Variants in PPP4R4 observed in about 807,000 individuals in gnomAD.
PPP4R4 encodes serine/threonine-protein phosphatase 4 regulatory subunit 4.
In PPP4R4, 70 loss-of-function variants were observed where a neutral mutation model predicts 121.8. The observed-to-expected ratio is 0.57, with a 90% CI of 0.47 to 0.70. PPP4R4 has a LOEUF of 0.70. Among genes scored for constraint, PPP4R4 ranks in the 30% least tolerant of loss-of-function variants. The pLI is 0.00. For synonymous variants in PPP4R4, 348 were observed against 355.7 expected (o/e 0.98, Z 0.24); for missense variants, 875 against 1,033.6 (o/e 0.85, Z 2.10).
At chr14:94,242,066 T>C (rs1202248327) in intron 10 of PPP4R4, 109 bp downstream of exon 10, 2 of 1,192,382 alleles carry the variant, frequency 1.7e-6, no homozygotes, top group African/African-American at 1.6e-5. Context: ...GCTTGCATTA[T>C]GTCTAGCATA....
intron 3 of PPP4R4, among the ~76,000 whole-genome samples, chr14:94,213,084 C>G (rs1375469846): frequency 6.6e-6 from 1 of 152,138 alleles, no homozygotes; most frequent in Non-Finnish European, 1.5e-5. Context: ...ACATTTTAAT[C>G]TGAATACTCA....
intron 1 of PPP4R4, among the ~76,000 whole-genome samples, chr14:94,175,177 C>T (rs1888610514): frequency 6.6e-6 from 1 of 151,276 alleles, no homozygotes; most frequent in African/African-American, 2.4e-5. Flanking sequence ...CAGCCCAAGT[C>T]AGATCAAGCT....
chr14:94,275,360 T>A lies in PPP4R4; in HGVS notation c.2450-14T>A. The A allele has an allele frequency of 6.2e-7, 1 of 1,613,398 alleles. No individual in the cohort carries two copies. Among genetic ancestry groups the A allele is most frequent in the South Asian group, 1.1e-5 (1 of 91,004 alleles). On this transcript the variant is annotated splice_polypyrimidine_tract_variant and intron_variant, in intron 23 of 24. Transcript: ENST00000304338. Reference sequence around the variant, plus strand: ...TATATTTGGTATGTCTGACTTTATATGTATTGCTTTCAGATGATTCATTCC... The same window carrying A: ...TATATTTGGTATGTCTGACTTTATAAGTATTGCTTTCAGATGATTCATTCC...
Position 94,265,854 on chromosome 14 carries a change from A to AT in PPP4R4, c.2346dup (p.Ala783CysfsTer11). 2 of 1,607,570 alleles carry AT rather than the reference A, an allele frequency of 1.2e-6. No individual in the cohort carries two copies. The highest frequency in any genetic ancestry group is 4.5e-5 in the East Asian group (2 of 44,734). Reference sequence around the variant, plus strand: ...CAGTCTTTTAATAATCAAGCTTTTCATGCAAAATATGGCAACTTAGAGAAA... The same window carrying AT: ...CAGTCTTTTAATAATCAAGCTTTTCATTGCAAAATATGGCAACTTAGAGAAA... On this transcript the variant is annotated frameshift_variant, in exon 22 of 25. Transcript: ENST00000304338. LOFTEE classifies it high-confidence loss of function.
At chr14:94,241,581 A>T (rs1394477868) in intron 9 of PPP4R4, among the ~76,000 whole-genome samples, 1 of 152,100 alleles carries the variant, frequency 6.6e-6, no homozygotes, top group African/African-American at 2.4e-5. Flanking sequence ...TGAAATTAAA[A>T]TATTACTGGT....
chr14:94,191,565 C>T (rs1359794783), intron 2 of PPP4R4, among the ~76,000 whole-genome samples: 3 of 152,064 alleles, frequency 2.0e-5, no homozygotes, highest in Non-Finnish European at 2.9e-5. Context: ...TCGTATTCAC[C>T]TTACACTGGT....
intron 16 of PPP4R4, among the ~76,000 whole-genome samples, chr14:94,253,957 A>C (rs903321014): frequency 6.6e-6 from 1 of 152,218 alleles, no homozygotes; most frequent in Non-Finnish European, 1.5e-5. Context: ...TTAGGAGGAC[A>C]GTTTCCGGAG....
rs1892240631 is a variant in PPP4R4 at position 94,234,803 on chromosome 14, T to C, written c.731+134T>C. On this transcript the variant is annotated intron_variant, in intron 7 of 24. Transcript: ENST00000304338. The stretch of plus-strand genomic sequence containing the variant: ...TAAAAGAGATAAAGAGGAATGTGCT[T>C]AGCATGGTGGTAGGCGTTTGATTAA... 2.0e-5 allele frequency: 14 copies of C among 693,640 alleles called. No individual in the cohort carries two copies. The East Asian group carries it at 4.0e-4, about 20-fold the overall frequency. The allele number at this position is 693,640 out of a possible 1,614,324, so 43.0% of individuals were successfully genotyped here. A position where few individuals can be genotyped will look rare whatever the true frequency, so the allele number is the denominator to read the frequency against.
At chr14:94,204,454 C>T (rs1410490956) in intron 2 of PPP4R4, among the ~76,000 whole-genome samples, 1 of 151,986 alleles carries the variant, frequency 6.6e-6, no homozygotes, top group Non-Finnish European at 1.5e-5. Flanking sequence ...TCTCTCCTTC[C>T]ACCAATACTG....
chr14:94,270,701 C>T (rs1431267215), intron 23 of PPP4R4, among the ~76,000 whole-genome samples: 3 of 152,080 alleles, frequency 2.0e-5, no homozygotes, highest in Non-Finnish European at 2.9e-5. Context: ...GGGTGGATCA[C>T]CTGAGGTCAG....
chr14:94,183,849 T>C, intron 2 of PPP4R4, among the ~76,000 whole-genome samples: 1 of 151,868 alleles, frequency 6.6e-6, no homozygotes, highest in Middle Eastern at 3.4e-3. Context: ...ACAAAATAAT[T>C]TCATAATATA....
intron 2 of PPP4R4, among the ~76,000 whole-genome samples, chr14:94,183,190 G>A (rs1159267706): frequency 6.6e-6 from 1 of 152,098 alleles, no homozygotes; most frequent in African/African-American, 2.4e-5. Flanking sequence ...GTGGATATTG[G>A]AGTCTACCTG....
At chr14:94,215,701 A>G (rs1420472832) in intron 3 of PPP4R4, among the ~76,000 whole-genome samples, 2 of 152,228 alleles carry the variant, frequency 1.3e-5, no homozygotes, top group African/African-American at 2.4e-5. Context: ...AAAAGTATTA[A>G]TGAAAGGAAT....
chr14:94,225,965 T>G (rs1891676784), intron 3 of PPP4R4, among the ~76,000 whole-genome samples: 1 of 152,182 alleles, frequency 6.6e-6, no homozygotes, highest in Non-Finnish European at 1.5e-5. Context: ...ATTGAATTAA[T>G]TAAATATTGC....
At chr14:94,249,738 A>C (rs1018201084) in intron 14 of PPP4R4, among the ~76,000 whole-genome samples, 14 of 152,064 alleles carry the variant, frequency 9.2e-5, no homozygotes, top group African/African-American at 3.4e-4. Flanking sequence ...GAAGGATTGA[A>C]GAGTATACCT....
intron 2 of PPP4R4, among the ~76,000 whole-genome samples, chr14:94,190,614 A>C (rs1889541451): frequency 6.6e-6 from 1 of 152,136 alleles, no homozygotes; most frequent in Non-Finnish European, 1.5e-5. Context: ...AACATAAATA[A>C]ATAAATAAAT....
intron 2 of PPP4R4, among the ~76,000 whole-genome samples, chr14:94,194,530 G>A (rs17129515): frequency 0.013 from 1,967 of 152,278 alleles, 41 homozygotes; most frequent in African/African-American, 0.045. Context: ...GTGCTATAAA[G>A]CAGCAAGAAA....
chr14:94,213,169 T>G (rs971575616), intron 3 of PPP4R4, among the ~76,000 whole-genome samples: 2 of 152,180 alleles, frequency 1.3e-5, no homozygotes, highest in African/African-American at 4.8e-5. Flanking sequence ...TCACAAAGCT[T>G]GCAAGTGGTA....
At chr14:94,208,988 A>G (rs111978190) in intron 3 of PPP4R4, among the ~76,000 whole-genome samples, 1,868 of 152,088 alleles carry the variant, frequency 0.012, 46 homozygotes, top group African/African-American at 0.043. Flanking sequence ...TCAGATAAAG[A>G]TTGAATTATA....
Sources: allele counts gnomAD v4.1 joint callset (sites outside exome capture counted in the v4.1 genomes callset), GRCh38; gene constraint gnomAD v4.1.1; transcripts MANE v1.5; gene names NCBI Gene and HGNC (gene_info 2026-07-23, HGNC 2026-07-21).